GALNT8: variants seen among roughly 807,000 people sequenced by gnomAD.
GALNT8 encodes polypeptide N-acetylgalactosaminyltransferase 8, also known as probable polypeptide N-acetylgalactosaminyltransferase 8.
A neutral mutation model predicts 62.7 loss-of-function variants in GALNT8; 66 were observed. The observed-to-expected ratio is 1.05, with a 90% CI of 0.86 to 1.29. The LOEUF is 1.29. Ranked by LOEUF, GALNT8 falls within the 50% of genes most tolerant of loss-of-function variation. The pLI is 0.00. For synonymous variants in GALNT8, 288 were observed against 294.3 expected (o/e 0.98, Z 0.22); for missense variants, 771 against 791.8 (o/e 0.97, Z 0.32).
At chr12:4,741,877 A>G (rs956789880) in intron 3 of GALNT8, among the ~76,000 whole-genome samples, 3 of 152,238 alleles carry the variant, frequency 2.0e-5, no homozygotes, top group Admixed American at 6.5e-5. Context: ...TTACAGGGAC[A>G]GGAATTAGAG....
chr12:4,738,652 G>T (rs991502251), intron 2 of GALNT8, among the ~76,000 whole-genome samples: 1 of 152,132 alleles, frequency 6.6e-6, no homozygotes, highest in East Asian at 1.9e-4. Context: ...TTGTGGGTGC[G>T]TGCCTATGTG....
intron 3 of GALNT8, among the ~76,000 whole-genome samples, chr12:4,741,320 C>T (rs954363891): frequency 6.6e-6 from 1 of 152,182 alleles, no homozygotes; most frequent in Non-Finnish European, 1.5e-5. Flanking sequence ...CAAAATTCCG[C>T]TGAAAACCAA....
intron 6 of GALNT8, among the ~76,000 whole-genome samples, chr12:4,753,567 T>C (rs1403289995): frequency 6.6e-6 from 1 of 152,218 alleles, no homozygotes; most frequent in Admixed American, 6.5e-5. Context: ...GATAGAATTC[T>C]GAATTCCTTC....
Position 4,732,234 on chromosome 12 carries a change from G to A in GALNT8, c.509+5405G>A, listed in dbSNP as rs552329114. 6.6e-5 allele frequency among the ~76,000 whole-genome samples: 10 copies of A among 152,350 alleles called. No homozygotes were observed. In the South Asian group the frequency reaches 2.1e-3, roughly 32 times the overall value. On this transcript the variant is annotated intron_variant, in intron 2 of 10. Transcript: ENST00000252318. Reference sequence around the variant, plus strand: ...CGACAGTAGTTTCAGGCAAAATTGTGATATGAATAAAGTTTATCTTTCCAG... The same window carrying A: ...CGACAGTAGTTTCAGGCAAAATTGTAATATGAATAAAGTTTATCTTTCCAG...
Position 4,761,138 on chromosome 12 carries a change from C to T in GALNT8, c.1354C>T (p.Leu452Phe). 1.2e-6 allele frequency: 2 copies of T among 1,612,274 alleles called. No individual in the cohort carries two copies. Among genetic ancestry groups the T allele is most frequent in the South Asian group, 2.2e-5 (2 of 90,994 alleles). The change falls in exon 7 of 11, where the codon CTC (leucine) becomes TTC (phenylalanine). Residue 452 changes from leucine (L) to phenylalanine (F), a missense_variant. Physicochemically the swap from Leu to Phe is conservative, Grantham distance 22. Coordinates refer to ENST00000252318, the MANE Select transcript of GALNT8 (RefSeq NM_017417.2). ...HMVYLAWNIP[L>F]QNSGIDFGDV... ...GGTCTACTTGGCCTGGAACATACCTCTCCAGGTGAGTCATGGAATTGAACA... is the reference window on the plus strand; with the variant it reads ...GGTCTACTTGGCCTGGAACATACCTTTCCAGGTGAGTCATGGAATTGAACA...
intron 1 of GALNT8, among the ~76,000 whole-genome samples, chr12:4,724,392 AGTGACACT>A (rs1565583006): frequency 6.6e-6 from 1 of 152,152 alleles, no homozygotes; most frequent in Non-Finnish European, 1.5e-5. Flanking sequence ...GGGATAACCT[AGTGACACT>A]GTATTCATAC....
At position 4,726,902 on chromosome 12, in the gene GALNT8, T is replaced by C. The variant is rs1365037338; in HGVS notation, c.509+73T>C. 3.0e-6 allele frequency: 4 copies of C among 1,324,172 alleles called. No individual in the cohort carries two copies. Among genetic ancestry groups the C allele is most frequent in the Non-Finnish European group, 4.2e-6 (4 of 955,306 alleles). The allele number at this position is 1,324,172 out of a possible 1,614,324, so 82.0% of individuals were successfully genotyped here. A position where few individuals can be genotyped will look rare whatever the true frequency, so the allele number is the denominator to read the frequency against. On this transcript the variant is annotated intron_variant, in intron 2 of 10. Transcript: ENST00000252318. This position sits in a 1 kb window ranked among gnomAD's most constrained non-coding sequence, Gnocchi z 4.1. Reference sequence around the variant, plus strand: ...GGATGAGCTTTGGGAGCAGTGAACATTGAAGGCTGGGGGAGTGGGGGATTG... The same window carrying C: ...GGATGAGCTTTGGGAGCAGTGAACACTGAAGGCTGGGGGAGTGGGGGATTG...
rs766729946 is a variant in GALNT8, at chr12:4,745,599, A to G, written c.1031A>G (p.Asp344Gly). The G allele has an allele frequency of 6.2e-7, 1 of 1,613,846 alleles. No homozygotes were observed. The highest frequency in any genetic ancestry group is 1.3e-5 in the African/African-American group (1 of 74,902). The change falls in exon 5 of 11, where the codon GAT becomes GGT. Residue 344 changes from aspartate (D) to glycine (G), a missense_variant. Physicochemically the swap from Asp to Gly is moderately conservative, Grantham distance 94 (BLOSUM62 -1). Transcript: ENST00000252318. Reference sequence around the variant, plus strand: ...GATGCACTGCCACAAGCCTGGATTGATCTGCATGATGTCACTGCCCCAGTG... The same window carrying G: ...GATGCACTGCCACAAGCCTGGATTGGTCTGCATGATGTCACTGCCCCAGTG... ...RYDALPQAWI[D>G]LHDVTAPVKS...
intron 6 of GALNT8, among the ~76,000 whole-genome samples, chr12:4,758,635 T>TGAGA (rs1157841992): frequency 6.3e-5 from 3 of 47,338 alleles, no homozygotes; most frequent in African/African-American, 1.3e-4. Context: ...TGTGTGTGTG[T>TGAGA]GTGAGAGAGA....
At chr12:4,738,300 G>T (rs1946255027) in intron 2 of GALNT8, among the ~76,000 whole-genome samples, 1 of 152,144 alleles carries the variant, frequency 6.6e-6, no homozygotes, top group African/African-American at 2.4e-5. Context: ...GTAAATATAA[G>T]AGATAAAACT....
At position 4,739,311 on chromosome 12, in the gene GALNT8, G is replaced by T; in HGVS notation, c.658G>T (p.Asp220Tyr). Residue 220 changes from aspartate to tyrosine, a missense_variant, in exon 3 of 11, where the codon GAT (aspartate) becomes TAT (tyrosine). Physicochemically the swap from Asp to Tyr is radical, Grantham distance 160. Transcript: ENST00000252318. ...ATTGTTGAAGGAAATCATCTTGGTGGATGATTTCAGCTCAAATGGTGAGCA... is the reference window on the plus strand; with the variant it reads ...ATTGTTGAAGGAAATCATCTTGGTGTATGATTTCAGCTCAAATGGTGAGCA... ...SRLLKEIILVDDFSSNGELKV... is the reference protein window; with the variant it reads ...SRLLKEIILVYDFSSNGELKV... 1 of 1,613,160 alleles carries T rather than the reference G, an allele frequency of 6.2e-7. No homozygotes were observed. The highest frequency in any genetic ancestry group is 8.5e-7 in the Non-Finnish European group (1 of 1,179,642).
At chr12:4,760,210 C>T (rs371337794) in intron 6 of GALNT8, among the ~76,000 whole-genome samples, 1 of 152,222 alleles carries the variant, frequency 6.6e-6, no homozygotes, top group African/African-American at 2.4e-5. Context: ...TGCTTTCAAG[C>T]TCACATTATT....
chr12:4,722,591 A>T (rs988391853), intron 1 of GALNT8, among the ~76,000 whole-genome samples: 1 of 152,174 alleles, frequency 6.6e-6, no homozygotes, highest in African/African-American at 2.4e-5. Flanking sequence ...ATGCCTCTGA[A>T]TTTTATGTGC....
chr12:4,742,662 ATTGGGAC>A (rs1408022747), intron 3 of GALNT8, among the ~76,000 whole-genome samples: 1 of 152,024 alleles, frequency 6.6e-6, no homozygotes, highest in Non-Finnish European at 1.5e-5. Context: ...GCAGGCTCGG[ATTGGGAC>A]TTGAAGGCGT....
At chr12:4,753,358 A>G (rs1006057710) in intron 6 of GALNT8, among the ~76,000 whole-genome samples, 46 of 152,008 alleles carry the variant, frequency 3.0e-4, no homozygotes, top group Admixed American at 1.6e-3. Context: ...ATTGCTTTGT[A>G]TTCTTTTTTC....
intron 3 of GALNT8, among the ~76,000 whole-genome samples, chr12:4,740,958 A>G (rs1288850609): frequency 4.6e-5 from 7 of 152,236 alleles, no homozygotes; most frequent in Non-Finnish European, 2.9e-5. Flanking sequence ...TGCACATGGT[A>G]GCCTCTCAGC....
chr12:4,721,653 A>G lies in GALNT8; in HGVS notation c.211+765A>G, dbSNP rs536633211. 2.6e-5 allele frequency among the ~76,000 whole-genome samples: 4 copies of G among 152,282 alleles called. No homozygotes were observed. In the South Asian group the frequency reaches 6.2e-4, roughly 24 times the overall value. On this transcript the variant is annotated intron_variant, in intron 1 of 10. Coordinates refer to ENST00000252318, the MANE Select transcript of GALNT8 (RefSeq NM_017417.2). The stretch of plus-strand genomic sequence containing the variant: ...TCTCCTATCTCAGTAGATGGAATAT[A>G]CAATCGGGTTTTACACCGAGACATT...
At chr12:4,747,555 CT>C (rs552330267) in intron 6 of GALNT8, among the ~76,000 whole-genome samples, 1 of 151,360 alleles carries the variant, frequency 6.6e-6, no homozygotes, top group African/African-American at 2.4e-5. Context: ...CGGCCTCATT[CT>C]TTTTTTTTAT....
At chr12:4,736,830 A>G (rs1946247493) in intron 2 of GALNT8, among the ~76,000 whole-genome samples, 1 of 152,160 alleles carries the variant, frequency 6.6e-6, no homozygotes, top group Admixed American at 6.5e-5. Flanking sequence ...AGGAAAGGGT[A>G]ATAACTCGTG....
Sources: gnomAD v4.1 joint callset for allele counts (sites outside exome capture counted in the v4.1 genomes callset) on GRCh38, gnomAD v4.1.1 for gene constraint, Gnocchi (gnomAD v3.1) non-coding constraint, MANE v1.5 for transcripts, NCBI Gene and HGNC (gene_info 2026-07-23, HGNC 2026-07-21) for gene names.